The following URB2 variants were observed in gnomAD, a reference collection of about 807,000 sequenced individuals.
The protein encoded by URB2 is unhealthy ribosome biogenesis protein 2 homolog.
Under a neutral mutation model 120.9 loss-of-function variants are expected in URB2, and 86 were observed. The observed-to-expected ratio is 0.71, with a 90% CI of 0.60 to 0.85. URB2 has a LOEUF of 0.85. URB2 is among the 40% of genes least tolerant of loss of function. URB2 has a pLI of 0.00. For synonymous variants in URB2, 755 were observed against 758.4 expected (o/e 1.00, Z 0.07); for missense variants, 1,765 against 1,836.5 (o/e 0.96, Z 0.71).
intron 2 of URB2, among the ~76,000 whole-genome samples, chr1:229,628,288 G>A (rs902291327): frequency 3.6e-4 from 27 of 75,334 alleles, no homozygotes; most frequent in Non-Finnish European, 7.4e-4. Context: ...AGACATGGTG[G>A]CATGTGCCTG....
rs111686160 is a variant in URB2 at position 229,636,501 on chromosome 1, A to G, written c.1888A>G (p.Met630Val). ...FSLNCSQYHS[M>V]SGPLIGVALE... ...TTTGAACTGTAGCCAGTATCACTCT[A>G]TGTCTGGGCCCCTTATAGGTGTTGC... is the stretch of plus-strand genomic sequence containing the variant. Residue 630 changes from methionine to valine, a missense_variant, in exon 4 of 10, where the codon ATG (methionine) becomes GTG (valine). Met to Val is a conservative substitution (Grantham distance 21). Coordinates refer to ENST00000258243, the MANE Select transcript of URB2 (RefSeq NM_014777.4). The G allele has an allele frequency of 8.7e-6, 14 of 1,614,140 alleles. No individual in the cohort carries two copies. The highest frequency in any genetic ancestry group is 1.6e-4 in the Middle Eastern group (1 of 6,062).
chr1:229,648,653 G>A (rs1666205570), intron 7 of URB2, among the ~76,000 whole-genome samples: 3 of 152,224 alleles, frequency 2.0e-5, no homozygotes, highest in Admixed American at 6.5e-5. Flanking sequence ...GAGGCTCAGT[G>A]CCGCCAAATA....
rs184940369 is a variant in URB2, at chr1:229,633,371, G to C, written c.303+926G>C. Reference sequence around the variant, plus strand: ...CTTAGAATGTCTCCTTGTTTAAAAAGCCATACTTAAATTTTATTTTTATGT... The same window carrying C: ...CTTAGAATGTCTCCTTGTTTAAAAACCCATACTTAAATTTTATTTTTATGT... On this transcript the variant is annotated intron_variant, in intron 3 of 9. Coordinates refer to ENST00000258243, the MANE Select transcript of URB2 (RefSeq NM_014777.4). Among the ~76,000 whole-genome samples, 573 of 152,260 alleles carry C rather than the reference G, an allele frequency of 3.8e-3. 5 individuals carry two copies. Among genetic ancestry groups the C allele is most frequent in the African/African-American group, 0.013 (546 of 41,546 alleles).
chr1:229,639,409 A>G (rs998614970), intron 4 of URB2, among the ~76,000 whole-genome samples: 1 of 147,060 alleles, frequency 6.8e-6, no homozygotes, highest in Non-Finnish European at 1.5e-5. Flanking sequence ...ATCTCAGCTC[A>G]CTGCAAGCTC....
intron 9 of URB2, among the ~76,000 whole-genome samples, chr1:229,658,677 G>A (rs539487969): frequency 3.4e-4 from 52 of 152,270 alleles, no homozygotes; most frequent in African/African-American, 1.3e-3. Context: ...TTGTCCCACA[G>A]GGTTGGCATA....
chr1:229,635,738 C>G lies in URB2; in HGVS notation c.1125C>G (p.Ile375Met), dbSNP rs747159360. Residue 375 changes from isoleucine to methionine, a missense_variant, in exon 4 of 10, where the codon ATC (isoleucine) becomes ATG (methionine). Coordinates refer to ENST00000258243, the MANE Select transcript of URB2 (RefSeq NM_014777.4). Reference sequence around the variant, plus strand: ...TGGCCAACAACAATATCTACAACATCGCTGCCGACAGAATTCGGCACGAAG... The same window carrying G: ...TGGCCAACAACAATATCTACAACATGGCTGCCGACAGAATTCGGCACGAAG... ...NSVANNNIYN[I>M]AADRIRHEEA... The G allele has an allele frequency of 4.3e-6, 7 of 1,614,170 alleles. No individual in the cohort carries two copies. The East Asian group carries it at 1.6e-4, about 36-fold the overall frequency.
intron 7 of URB2, among the ~76,000 whole-genome samples, chr1:229,647,977 A>G (rs1287755919): frequency 1.3e-5 from 2 of 152,088 alleles, no homozygotes. Flanking sequence ...TCTTCATTGG[A>G]TCTGGTGCTA....
At position 229,637,998 on chromosome 1, in the gene URB2, G is replaced by T. The variant is rs754197645; in HGVS notation, c.3385G>T (p.Gly1129Cys). 6 of 1,613,638 alleles carry T rather than the reference G, an allele frequency of 3.7e-6. No individual in the cohort carries two copies. The highest frequency in any genetic ancestry group is 1.1e-5 in the South Asian group (1 of 91,004). The part of the protein sequence containing the change: ...SVSTLLEADL[G>C]QHCRDGGADI... ...CAGCACGCTCTTGGAAGCCGACCTG[G>T]GTCAGCACTGCAGGGATGGAGGGGC... Residue 1129 changes from glycine to cysteine, a missense_variant, in exon 4 of 10, where the codon GGT becomes TGT. Transcript: ENST00000258243.
At position 229,651,260 on chromosome 1, in the gene URB2, T is replaced by C; in HGVS notation, c.4175T>C (p.Phe1392Ser). 1 of 1,611,670 alleles carries C rather than the reference T, an allele frequency of 6.2e-7. No individual in the cohort carries two copies. Among genetic ancestry groups the C allele is most frequent in the Non-Finnish European group, 8.5e-7 (1 of 1,179,090 alleles). ...PKVMLKAIPS[F>S]LNSFNRLVFS... ...GTAATGCTGAAAGCCATCCCTTCTT[T>C]CTTGAACTCTTTCAATAGATTGGTG... Residue 1392 changes from phenylalanine (F) to serine (S), a missense_variant, in exon 8 of 10, where the codon TTC becomes TCC. Transcript: ENST00000258243.
At position 229,636,490 on chromosome 1, in the gene URB2, A is replaced by G; in HGVS notation, c.1877A>G (p.Gln626Arg). ...VDAMFSLNCS[Q>R]YHSMSGPLIG... ...GCTATGTTCAGTTTGAACTGTAGCC[A>G]GTATCACTCTATGTCTGGGCCCCTT... is the stretch of plus-strand genomic sequence containing the variant. The change falls in exon 4 of 10, where the codon CAG becomes CGG. Residue 626 changes from glutamine (Q) to arginine (R), a missense_variant. Gln to Arg is a conservative substitution (Grantham distance 43). Coordinates refer to ENST00000258243, the MANE Select transcript of URB2 (RefSeq NM_014777.4). 1 of 1,614,252 alleles carries G rather than the reference A, an allele frequency of 6.2e-7. No homozygotes were observed. Among genetic ancestry groups the G allele is most frequent in the Non-Finnish European group, 8.5e-7 (1 of 1,180,038 alleles).
chr1:229,652,920 A>G lies in URB2; in HGVS notation c.4238-1329A>G, dbSNP rs567813828. 5.3e-5 allele frequency among the ~76,000 whole-genome samples: 8 copies of G among 152,368 alleles called. No individual in the cohort carries two copies. In the East Asian group the frequency reaches 1.5e-3, roughly 29 times the overall value. ...AGGTAGCTTCGTCATCTTATCTGCT[A>G]AGACCTGGTTCTCAGACACATTCAT... On this transcript the variant is annotated intron_variant, in intron 8 of 9. Coordinates refer to ENST00000258243, the MANE Select transcript of URB2 (RefSeq NM_014777.4).
intron 8 of URB2, among the ~76,000 whole-genome samples, chr1:229,653,691 A>T (rs1268510664): frequency 6.6e-6 from 1 of 152,226 alleles, no homozygotes. Context: ...TATGGTAGGA[A>T]AAGAACTAGG....
chr1:229,637,968 T>C lies in URB2; in HGVS notation c.3355T>C (p.Ser1119Pro). 6.2e-7 allele frequency: 1 copy of C among 1,613,758 alleles called. No homozygotes were observed. The highest frequency in any genetic ancestry group is 8.5e-7 in the Non-Finnish European group (1 of 1,179,866). Residue 1119 changes from serine (S) to proline (P), a missense_variant, in exon 4 of 10, where the codon TCC becomes CCC. By Grantham distance (74) the Ser-to-Pro change is moderately conservative. Coordinates refer to ENST00000258243, the MANE Select transcript of URB2 (RefSeq NM_014777.4). ...GCGCCTTCCCTCGGTCCTCATCTCA[T>C]CCGTCAGCACGCTCTTGGAAGCCGA... ...GWRLPSVLISSVSTLLEADLG... is the reference protein window; with the variant it reads ...GWRLPSVLISPVSTLLEADLG...
At chr1:229,646,236 A>T (rs760601253) in intron 6 of URB2, among the ~76,000 whole-genome samples, 29 of 152,184 alleles carry the variant, frequency 1.9e-4, no homozygotes, top group African/African-American at 4.8e-5. Flanking sequence ...AAGAAGAGGG[A>T]TGTAGTGATA....
Position 229,645,591 on chromosome 1 carries a change from C to T in URB2, c.3796-268C>T, listed in dbSNP as rs577828180. On this transcript the variant is annotated intron_variant, in intron 5 of 9. Transcript: ENST00000258243. ...GCAATTCACTGTCCTGGCCGATTTACGTGCTTGATTTAGTGAAATGCTGCT... is the reference window on the plus strand; with the variant it reads ...GCAATTCACTGTCCTGGCCGATTTATGTGCTTGATTTAGTGAAATGCTGCT... Among the ~76,000 whole-genome samples, 26 of 152,304 alleles carry T rather than the reference C, an allele frequency of 1.7e-4. No homozygotes were observed. In the South Asian group the frequency reaches 2.7e-3, roughly 16 times the overall value.
intron 3 of URB2, 49 bp from the exon 4 acceptor site, chr1:229,634,868 G>A: frequency 2.8e-6 from 4 of 1,447,604 alleles, no homozygotes; most frequent in Non-Finnish European, 3.7e-6. Flanking sequence ...TCTTGTGTAT[G>A]TATGGGTTTA....
Position 229,636,162 on chromosome 1 carries a change from G to A in URB2, c.1549G>A (p.Val517Met), listed in dbSNP as rs1285720933. 1.2e-5 allele frequency: 20 copies of A among 1,614,128 alleles called. No homozygotes were observed. Among genetic ancestry groups the A allele is most frequent in the Non-Finnish European group, 1.5e-5 (18 of 1,180,054 alleles). ...TCAGATCCTGGACACGTGGTCCCTT[G>A]TGCTGGAGAAGTTCCAGTCTTTAGT... is the stretch of plus-strand genomic sequence containing the variant. ...PSQILDTWSL[V>M]LEKFQSLVLP... Residue 517 changes from valine (V) to methionine (M), a missense_variant, in exon 4 of 10, where the codon GTG (valine) becomes ATG (methionine). By Grantham distance (21) the Val-to-Met change is conservative. Transcript: ENST00000258243.
chr1:229,655,069 C>T (rs1351678815), intron 9 of URB2, among the ~76,000 whole-genome samples: 1 of 152,200 alleles, frequency 6.6e-6, no homozygotes, highest in Non-Finnish European at 1.5e-5. Flanking sequence ...TATCTTTACT[C>T]TGGCGGTGTG....
rs775080520 is a variant in URB2 at position 229,632,418 on chromosome 1, C to T, written c.276C>T (p.Thr92=). 6.4e-7 allele frequency: 1 copy of T among 1,567,218 alleles called. No homozygotes were observed. Among genetic ancestry groups the T allele is most frequent in the Non-Finnish European group, 8.6e-7 (1 of 1,164,356 alleles). The change falls in exon 3 of 10, where the codon ACC becomes ACT. Residue 92 remains threonine (T), a synonymous_variant. Coordinates refer to ENST00000258243, the MANE Select transcript of URB2 (RefSeq NM_014777.4). ...KLQNLLKNGK[T]INLQISLVKI... ...AGAATCTCCTCAAGAATGGAAAGAC[C>T]ATTAATCTTCAGATTTCCCTAGTCA... is the stretch of plus-strand genomic sequence containing the variant.
Sources: gnomAD v4.1 joint callset for allele counts (sites outside exome capture counted in the v4.1 genomes callset) on GRCh38, gnomAD v4.1.1 for gene constraint, MANE v1.5 for transcripts, NCBI Gene and HGNC (gene_info 2026-07-23, HGNC 2026-07-21) for gene names.